The following SYNJ1 variants were observed in gnomAD, a reference collection of about 807,000 sequenced individuals.
SYNJ1 encodes the protein polyphosphatidylinositol phosphatase SYNJ1.
SYNJ1 carries 78 observed loss-of-function variants against 168.2 expected under a neutral mutation model. The ratio of observed to expected loss-of-function variants is 0.46; its 90% CI spans 0.39 to 0.56. The LOEUF (loss-of-function observed/expected upper bound fraction) is 0.56, where lower values mean the gene tolerates loss of function less well. SYNJ1 is among the 20% of genes least tolerant of loss of function. The pLI is 0.00. For synonymous variants in SYNJ1, 539 were observed against 548.6 expected (o/e 0.98, Z 0.24); for missense variants, 1,303 against 1,597.6 (o/e 0.82, Z 3.14).
At position 32,721,047 on chromosome 21, in the gene SYNJ1, G is replaced by A. The variant is rs558055081; in HGVS notation, c.124+5725C>T. Among the ~76,000 whole-genome samples the A allele has an allele frequency of 3.3e-5, 5 of 152,302 alleles. No homozygotes were observed. In the South Asian group the frequency reaches 8.3e-4, roughly 25 times the overall value. On this transcript the variant is annotated intron_variant, in intron 2 of 32. Transcript: ENST00000674351. ...AACAATGAATTGTACACAAAGCTGA[G>A]AGACATCTTTTATCTCTTAATAAAT...
chr21:32,717,430 T>G (rs1294059112), intron 2 of SYNJ1, among the ~76,000 whole-genome samples: 1 of 152,232 alleles, frequency 6.6e-6, no homozygotes, highest in African/African-American at 2.4e-5. Context: ...CTATAAATAT[T>G]CTTAAACTTC....
intron 4 of SYNJ1, among the ~76,000 whole-genome samples, chr21:32,696,819 C>T (rs992010487): frequency 1.3e-5 from 2 of 152,176 alleles, no homozygotes; most frequent in African/African-American, 4.8e-5. Context: ...CCCTCTTATC[C>T]ATCCAGGAAA....
chr21:32,694,086 T>C, intron 6 of SYNJ1, 142 bp downstream of exon 6: 1 of 537,144 alleles, frequency 1.9e-6, no homozygotes. Flanking sequence ...TGTACTCGTC[T>C]AGACCCTTAT....
chr21:32,707,592 G>A (rs780020874), intron 2 of SYNJ1, among the ~76,000 whole-genome samples: 1 of 151,872 alleles, frequency 6.6e-6, no homozygotes, highest in East Asian at 1.9e-4. Flanking sequence ...CCTTGGCCTC[G>A]CAAAGTACTG....
chr21:32,687,318 C>T (rs1273775179), intron 7 of SYNJ1, among the ~76,000 whole-genome samples: 1 of 152,204 alleles, frequency 6.6e-6, no homozygotes, highest in Non-Finnish European at 1.5e-5. Context: ...AGGCATCCAG[C>T]TTCTGCCCAC....
chr21:32,631,745 T>A lies in SYNJ1; in HGVS notation c.*60A>T, dbSNP rs1020861731. On this transcript the variant is annotated 3_prime_UTR_variant, in exon 33 of 33. Coordinates refer to ENST00000674351, the MANE Select transcript of SYNJ1 (RefSeq NM_203446.3). ...GCAGATTAAATGACAGATCTTCAAA[T>A]GGGTCAATCTTTAATGGTGATTCTC... The A allele has an allele frequency of 6.2e-7, 1 of 1,614,202 alleles. No homozygotes were observed. The highest frequency in any genetic ancestry group is 1.1e-5 in the South Asian group (1 of 91,086).
Position 32,707,283 on chromosome 21 carries a change from C to CTT in SYNJ1, c.125-5238_125-5237dup, listed in dbSNP as rs367843525. The stretch of plus-strand genomic sequence containing the variant: ...AGAAACTAAGTCTTATTTCTTTTTC[C>CTT]TTTTTTTTTTTTTTTTTTTTTGAGA... On this transcript the variant is annotated intron_variant, in intron 2 of 32. Coordinates refer to ENST00000674351, the MANE Select transcript of SYNJ1 (RefSeq NM_203446.3). 1.1e-3 allele frequency among the ~76,000 whole-genome samples: 150 copies of CTT among 130,562 alleles called. 3 individuals carry two copies. Among genetic ancestry groups the CTT allele is most frequent in the African/African-American group, 1.8e-3 (61 of 34,408 alleles). The allele number at this position is 130,562 out of a possible 152,430, so 85.7% of individuals were successfully genotyped here.
At chr21:32,696,171 G>A (rs1023061873) in intron 4 of SYNJ1, among the ~76,000 whole-genome samples, 3 of 152,102 alleles carry the variant, frequency 2.0e-5, no homozygotes, top group African/African-American at 7.2e-5. Context: ...TACTTTTAAG[G>A]CTTGACTTTT....
Position 32,637,333 on chromosome 21 carries a change from GAA to G in SYNJ1, c.3915+1573_3915+1574del, listed in dbSNP as rs5843561. On this transcript the variant is annotated intron_variant, in intron 31 of 32. Coordinates refer to ENST00000674351, the MANE Select transcript of SYNJ1 (RefSeq NM_203446.3). ...ACGATTCACTAAAAATGGATTAGCA[GAA>G]AAAAAAAATCATTATTTGAAAGAGT... is the stretch of plus-strand genomic sequence containing the variant. 9.7e-5 allele frequency among the ~76,000 whole-genome samples: 14 copies of G among 144,680 alleles called. 1 individual carries two copies. The highest frequency in any genetic ancestry group is 2.3e-4 in the African/African-American group (9 of 39,758). 94.9% of individuals were successfully genotyped at this position (144,680 alleles called of 152,430 possible).
intron 12 of SYNJ1, among the ~76,000 whole-genome samples, chr21:32,676,681 A>G (rs1754644436): frequency 6.6e-6 from 1 of 152,204 alleles, no homozygotes; most frequent in Non-Finnish European, 1.5e-5. Context: ...ATGAATATAA[A>G]TATGAAAACC....
At position 32,631,861 on chromosome 21, in the gene SYNJ1, C is replaced by G. The variant is rs376941467; in HGVS notation, c.*4-60G>C. ...ATATTTACTCTTAATACCCCCTATT[C>G]TTCCTGTCTCAATTATTCTTCCCTT... On this transcript the variant is annotated intron_variant, in intron 32 of 32. Coordinates refer to ENST00000674351, the MANE Select transcript of SYNJ1 (RefSeq NM_203446.3). The G allele has an allele frequency of 3.9e-5, 55 of 1,405,344 alleles. No individual in the cohort carries two copies. In the African/African-American group the frequency reaches 7.7e-4, roughly 20 times the overall value. The allele number at this position is 1,405,344 out of a possible 1,614,324, so 87.1% of individuals were successfully genotyped here.
chr21:32,656,083 G>A (rs565604569), intron 21 of SYNJ1, among the ~76,000 whole-genome samples: 4 of 152,174 alleles, frequency 2.6e-5, no homozygotes, highest in South Asian at 4.1e-4. Context: ...TATAGGAATC[G>A]TGAGAGTTCA....
At chr21:32,691,141 A>C (rs2042012066) in intron 6 of SYNJ1, among the ~76,000 whole-genome samples, 2 of 152,132 alleles carry the variant, frequency 1.3e-5, no homozygotes, top group Admixed American at 1.3e-4. Context: ...GTAACCCCCA[A>C]GGTTGAAGGT....
rs749527882 is a variant in SYNJ1, at chr21:32,631,284, G to A, written c.*521C>T. The A allele has an allele frequency of 8.7e-6, 14 of 1,614,012 alleles. No individual in the cohort carries two copies. The African/African-American group carries it at 9.3e-5, about 11-fold the overall frequency. The stretch of plus-strand genomic sequence containing the variant: ...TTCCTCGAAGGTTACCCATCCTTTC[G>A]GGTTGCTAATTTTTAATGTAGACTG... On this transcript the variant is annotated 3_prime_UTR_variant, in exon 33 of 33. Transcript: ENST00000674351.
intron 29 of SYNJ1, 44 bp from the exon 30 acceptor site, chr21:32,639,823 C>T: frequency 6.6e-7 from 1 of 1,505,758 alleles, no homozygotes; most frequent in Non-Finnish European, 9.2e-7. Context: ...ACTTACCTTC[C>T]ACAGGTAAAA....
intron 11 of SYNJ1, 59 bp downstream of exon 11, chr21:32,681,437 G>A: frequency 6.7e-7 from 1 of 1,502,124 alleles, no homozygotes; most frequent in South Asian, 1.4e-5. Context: ...CCATTTAAAA[G>A]CTTTATGAAG....
At chr21:32,651,687 G>A (rs1416195603) in intron 22 of SYNJ1, among the ~76,000 whole-genome samples, 1 of 151,946 alleles carries the variant, frequency 6.6e-6, no homozygotes, top group Non-Finnish European at 1.5e-5. Flanking sequence ...TAGAGACCAG[G>A]GCCAAATGAA....
At chr21:32,652,040 T>A (rs1203597461) in intron 22 of SYNJ1, among the ~76,000 whole-genome samples, 1 of 152,200 alleles carries the variant, frequency 6.6e-6, no homozygotes, top group Non-Finnish European at 1.5e-5. Context: ...ATATTAAGGT[T>A]AAGAGAAATT....
chr21:32,693,682 G>A (rs1301372308), intron 6 of SYNJ1, among the ~76,000 whole-genome samples: 3 of 152,102 alleles, frequency 2.0e-5, no homozygotes, highest in African/African-American at 4.8e-5. Flanking sequence ...TGCTGACTGG[G>A]GGCCAGGTGC....
Sources: gnomAD v4.1 joint callset for allele counts (sites outside exome capture counted in the v4.1 genomes callset) on GRCh38, gnomAD v4.1.1 for gene constraint, MANE v1.5 for transcripts, NCBI Gene and HGNC (gene_info 2026-07-23, HGNC 2026-07-21) for gene names.